PEX14: variants seen among roughly 807,000 people sequenced by gnomAD.
PEX14 encodes peroxisomal membrane protein PEX14.
In PEX14, 15 loss-of-function variants were observed where a neutral mutation model predicts 49.5. That is an observed-to-expected ratio of 0.30 (90% CI 0.20 to 0.47). PEX14 has a LOEUF of 0.47. Among genes scored for constraint, PEX14 ranks in the 20% least tolerant of loss-of-function variants. The pLI, the probability that PEX14 is intolerant of heterozygous loss-of-function variation, is 1.00. For missense variants in PEX14, 398 were observed against 494.8 expected (o/e 0.80, Z 1.86); for synonymous variants, 210 against 212.7 (o/e 0.99, Z 0.11).
chr1:10,617,727 A>C (rs1005642506), intron 4 of PEX14, among the ~76,000 whole-genome samples: 1 of 149,974 alleles, frequency 6.7e-6, no homozygotes, highest in African/African-American at 2.5e-5. Flanking sequence ...CCCTTTTGAT[A>C]GGCGTTCTCA....
intron 3 of PEX14, among the ~76,000 whole-genome samples, chr1:10,557,526 C>T (rs895564275): frequency 6.6e-6 from 1 of 152,162 alleles, no homozygotes; most frequent in Non-Finnish European, 1.5e-5. Context: ...GTGGAGTTTG[C>T]AGTGACCTGA....
At chr1:10,532,524 G>A (rs1408304431) in intron 2 of PEX14, among the ~76,000 whole-genome samples, 1 of 152,038 alleles carries the variant, frequency 6.6e-6, no homozygotes, top group Non-Finnish European at 1.5e-5. Flanking sequence ...GGAAAGGAAC[G>A]CTGATTCCAT....
At chr1:10,531,234 C>G (rs1638641454) in intron 2 of PEX14, among the ~76,000 whole-genome samples, 1 of 152,174 alleles carries the variant, frequency 6.6e-6, no homozygotes. Flanking sequence ...TTCACGAGTG[C>G]TAGCATCAGC....
intron 4 of PEX14, among the ~76,000 whole-genome samples, chr1:10,608,273 G>A (rs1037486641): frequency 6.6e-6 from 1 of 152,208 alleles, no homozygotes; most frequent in Admixed American, 6.5e-5. Context: ...TGAGGTGAAG[G>A]TCAAGGTTCG....
At chr1:10,601,397 C>T (rs1480119645) in intron 4 of PEX14, among the ~76,000 whole-genome samples, 2 of 152,148 alleles carry the variant, frequency 1.3e-5, no homozygotes, top group Admixed American at 1.3e-4. Context: ...TGTTTTCATC[C>T]AGCTCAGCTG....
intron 2 of PEX14, among the ~76,000 whole-genome samples, chr1:10,533,479 C>T (rs1324708845): frequency 1.3e-5 from 2 of 152,166 alleles, no homozygotes; most frequent in African/African-American, 4.8e-5. Context: ...CTTCCAAATT[C>T]ATTTTTCTTG....
chr1:10,624,317 C>A (rs763455380), intron 6 of PEX14, 23 bp from the exon 7 acceptor site: 1 of 1,525,828 alleles, frequency 6.6e-7, no homozygotes, highest in East Asian at 2.2e-5. Context: ...TTTGCCAGCG[C>A]CGTGACTGCT....
At chr1:10,536,432 A>G (rs1638805512) in intron 3 of PEX14, 135 bp downstream of exon 3, 1 of 709,640 alleles carries the variant, frequency 1.4e-6, no homozygotes, top group Non-Finnish European at 2.6e-6. Flanking sequence ...AGTGGGGCTG[A>G]GGCGAACCCC....
intron 3 of PEX14, among the ~76,000 whole-genome samples, chr1:10,574,015 T>C (rs554991185): frequency 2.0e-5 from 3 of 152,202 alleles, no homozygotes; most frequent in Non-Finnish European, 4.4e-5. Context: ...GGCAGGATAA[T>C]CGCTTGAACC....
intron 3 of PEX14, among the ~76,000 whole-genome samples, chr1:10,551,207 A>T (rs778998742): frequency 1.3e-5 from 2 of 152,188 alleles, no homozygotes; most frequent in Non-Finnish European, 2.9e-5. Context: ...TAAATTGCTG[A>T]CCTTCTGCAG....
intron 3 of PEX14, among the ~76,000 whole-genome samples, chr1:10,538,220 T>C (rs1011031055): frequency 6.6e-6 from 1 of 152,180 alleles, no homozygotes; most frequent in Non-Finnish European, 1.5e-5. Flanking sequence ...AGAGTTGGTG[T>C]GGGCTGGACT....
intron 1 of PEX14, among the ~76,000 whole-genome samples, chr1:10,490,827 G>A (rs2124392761): frequency 6.6e-6 from 1 of 151,248 alleles, no homozygotes; most frequent in African/African-American, 2.4e-5. Flanking sequence ...TCAACCTCCT[G>A]GGTAGTTGGG....
chr1:10,592,300 C>T (rs182904177), intron 3 of PEX14, among the ~76,000 whole-genome samples: 61 of 152,276 alleles, frequency 4.0e-4, no homozygotes, highest in Admixed American at 3.5e-3. Flanking sequence ...CAAAGACCTG[C>T]TGTCTGTGGC....
chr1:10,518,214 C>G (rs1642004643), intron 2 of PEX14, among the ~76,000 whole-genome samples: 1 of 152,074 alleles, frequency 6.6e-6, no homozygotes, highest in African/African-American at 2.4e-5. Context: ...CTATTTGCAT[C>G]TCTGTTAATT....
chr1:10,571,696 C>T lies in PEX14; in HGVS notation c.170-27542C>T, dbSNP rs187371772. On this transcript the variant is annotated intron_variant, in intron 3 of 8. Coordinates refer to ENST00000356607, the MANE Select transcript of PEX14 (RefSeq NM_004565.3). ...TGGTGGTGGGCGCCTGTATTCCCAGCTACTCGAGAGGCTGAGGCAGGAGAA... is the reference window on the plus strand; with the variant it reads ...TGGTGGTGGGCGCCTGTATTCCCAGTTACTCGAGAGGCTGAGGCAGGAGAA... Among the ~76,000 whole-genome samples the T allele has an allele frequency of 5.8e-3, 878 of 152,046 alleles. 2 individuals carry two copies. Among genetic ancestry groups the T allele is most frequent in the Non-Finnish European group, 9.6e-3 (653 of 67,996 alleles).
chr1:10,563,758 A>G (rs1639722048), intron 3 of PEX14, among the ~76,000 whole-genome samples: 1 of 152,120 alleles, frequency 6.6e-6, no homozygotes, highest in Middle Eastern at 3.4e-3. Context: ...TAAAAATGCA[A>G]AAAATTAGCC....
chr1:10,496,766 T>G (rs1557811428), intron 2 of PEX14, among the ~76,000 whole-genome samples: 3 of 151,916 alleles, frequency 2.0e-5, no homozygotes, highest in Admixed American at 2.0e-4. Context: ...TGTTGGTTGG[T>G]TGTATTTTTA....
At chr1:10,603,500 C>T (rs1265846167) in intron 4 of PEX14, among the ~76,000 whole-genome samples, 22 of 151,864 alleles carry the variant, frequency 1.4e-4, no homozygotes, top group Non-Finnish European at 2.2e-4. Flanking sequence ...CTGGTGTGAG[C>T]ATAAACCAGT....
rs142798994 is a variant in PEX14 at position 10,603,802 on chromosome 1, A to G, written c.298+4436A>G. 4.7e-3 allele frequency among the ~76,000 whole-genome samples: 719 copies of G among 152,276 alleles called. 5 individuals carry two copies. The highest frequency in any genetic ancestry group is 0.016 in the African/African-American group (674 of 41,544). On this transcript the variant is annotated intron_variant, in intron 4 of 8. Coordinates refer to ENST00000356607, the MANE Select transcript of PEX14 (RefSeq NM_004565.3). ...TTGTAGGATAATAATTTCTTCTTAG[A>G]TTTGAACATTTTCCCTCCACTGTCT...
Sources: allele counts gnomAD v4.1 joint callset (sites outside exome capture counted in the v4.1 genomes callset), GRCh38; gene constraint gnomAD v4.1.1; transcripts MANE v1.5; gene names NCBI Gene and HGNC (gene_info 2026-07-23, HGNC 2026-07-21).